BMPER: variants seen among roughly 807,000 people sequenced by gnomAD.
BMPER encodes BMP-binding endothelial regulator protein.
In BMPER, 45 loss-of-function variants were observed where a neutral mutation model predicts 87.3. That is an observed-to-expected ratio of 0.52 (90% confidence interval 0.41 to 0.66). The LOEUF (loss-of-function observed/expected upper bound fraction) is 0.66. Among genes scored for constraint, BMPER ranks in the 30% least tolerant of loss-of-function variants. BMPER has a pLI of 0.00. For missense variants in BMPER, 784 were observed against 867.5 expected, an observed-to-expected ratio of 0.90 and a Z score of 1.21; for synonymous variants, 326 against 316.2, an observed-to-expected ratio of 1.03 and a Z score of -0.33.
Position 34,156,413 on chromosome 7 carries a change from T to A in BMPER, c.*3140T>A, listed in dbSNP as rs1038571347. On this transcript the variant is annotated 3_prime_UTR_variant, in exon 15 of 15. Coordinates refer to ENST00000649409, the MANE Select transcript of BMPER (RefSeq NM_001365308.1). ...TCAATAAATAAAACCTAATAAATGC[T>A]GTCTCATGGTTGCACAGCTGTTTGT... 1.3e-5 allele frequency among the ~76,000 whole-genome samples: 2 copies of A among 152,200 alleles called. No homozygotes were observed. The highest frequency in any genetic ancestry group is 4.8e-5 in the African/African-American group (2 of 41,446).
chr7:34,052,773 A>C (rs1244382790), intron 8 of BMPER, among the ~76,000 whole-genome samples: 1 of 152,206 alleles, frequency 6.6e-6, no homozygotes, highest in Non-Finnish European at 1.5e-5. Context: ...ATTAGAGCTC[A>C]GTAGTTCTTG....
intron 12 of BMPER, among the ~76,000 whole-genome samples, chr7:34,085,332 T>C (rs1789170022): frequency 6.6e-6 from 1 of 152,246 alleles, no homozygotes. Flanking sequence ...AATTTCTGGC[T>C]GTAAATAATT....
At chr7:34,056,710 C>T (rs1359800569) in intron 9 of BMPER, among the ~76,000 whole-genome samples, 3 of 151,804 alleles carry the variant, frequency 2.0e-5, no homozygotes, top group East Asian at 1.9e-4. Flanking sequence ...CTCCACCTCC[C>T]GGGTTCAAGT....
intron 3 of BMPER, among the ~76,000 whole-genome samples, chr7:33,953,406 C>T (rs972440668): frequency 1.3e-5 from 2 of 152,204 alleles, no homozygotes; most frequent in African/African-American, 4.8e-5. Flanking sequence ...CAATTATTGA[C>T]TCTGCCACTT....
chr7:34,049,280 G>A (rs1205016000), intron 7 of BMPER, among the ~76,000 whole-genome samples: 2 of 152,162 alleles, frequency 1.3e-5, no homozygotes, highest in Non-Finnish European at 2.9e-5. Context: ...TATTGAGGAT[G>A]TGTAATGAAT....
In BMPER at chr7:34,091,643, C is replaced by T. The variant is rs115612405; in HGVS notation, c.1745+5551C>T. On this transcript the variant is annotated intron_variant, in intron 13 of 14. Coordinates refer to ENST00000649409, the MANE Select transcript of BMPER (RefSeq NM_001365308.1). ...GAGTTCATGTCATTCTCCTGCCTCC[C>T]TAAGATGCCTTCACTTTCTACATTG... 6.0e-3 allele frequency among the ~76,000 whole-genome samples: 919 copies of T among 152,318 alleles called. 16 individuals carry two copies. The highest frequency in any genetic ancestry group is 0.021 in the African/African-American group (871 of 41,580).
chr7:33,991,292 G>A (rs1786209522), intron 6 of BMPER, among the ~76,000 whole-genome samples: 1 of 151,706 alleles, frequency 6.6e-6, no homozygotes, highest in Non-Finnish European at 1.5e-5. Context: ...CACAATTTTA[G>A]TTCCTGTTAT....
At chr7:33,974,589 AG>A in intron 5 of BMPER, 112 bp from the exon 6 acceptor site, 5 of 1,030,214 alleles carry the variant, frequency 4.9e-6, no homozygotes, top group Non-Finnish European at 7.7e-6. Flanking sequence ...CTGGTTGAAG[AG>A]GACACTCAGC....
At chr7:34,148,842 G>A (rs1791096811) in intron 14 of BMPER, among the ~76,000 whole-genome samples, 1 of 152,196 alleles carries the variant, frequency 6.6e-6, no homozygotes, top group African/African-American at 2.4e-5. Context: ...ATGCTGCTGA[G>A]AAGTTTTTAT....
intron 3 of BMPER, 63 bp downstream of exon 3, chr7:33,937,451 C>T: frequency 6.5e-7 from 1 of 1,529,258 alleles, no homozygotes. Context: ...ATTTCTCTTT[C>T]TCTCACCTTC....
chr7:34,153,012 C>A, intron 14 of BMPER, 80 bp from the exon 15 acceptor site: 1 of 1,525,698 alleles, frequency 6.6e-7, no homozygotes, highest in Non-Finnish European at 9.1e-7. Context: ...TGTCATGAGC[C>A]TGCAAGAACG....
chr7:33,953,711 C>G (rs572021792), intron 3 of BMPER, among the ~76,000 whole-genome samples: 1 of 152,286 alleles, frequency 6.6e-6, no homozygotes, highest in East Asian at 1.9e-4. Flanking sequence ...AGTACATTCA[C>G]ATTGTTGAGC....
chr7:34,027,533 A>G (rs1002746446), intron 6 of BMPER, among the ~76,000 whole-genome samples: 4 of 152,258 alleles, frequency 2.6e-5, no homozygotes, highest in African/African-American at 9.6e-5. Context: ...ATTGAAATTC[A>G]GTGAATATCT....
chr7:34,111,209 C>A (rs1162385109), intron 13 of BMPER, among the ~76,000 whole-genome samples: 1 of 152,166 alleles, frequency 6.6e-6, no homozygotes, highest in Non-Finnish European at 1.5e-5. Context: ...CATAGAATTT[C>A]AAATGGGAAA....
intron 11 of BMPER, among the ~76,000 whole-genome samples, chr7:34,071,267 T>C (rs1308103172): frequency 6.6e-6 from 1 of 152,238 alleles, no homozygotes; most frequent in African/African-American, 2.4e-5. Flanking sequence ...ACATTTATAA[T>C]AAGCAAATGA....
intron 13 of BMPER, among the ~76,000 whole-genome samples, chr7:34,095,889 A>C (rs570573519): frequency 1.3e-5 from 2 of 152,066 alleles, no homozygotes; most frequent in Non-Finnish European, 2.9e-5. Flanking sequence ...AGTAAGTGAC[A>C]GTGGCCATTG....
At chr7:34,046,108 G>A (rs1787957376) in intron 6 of BMPER, among the ~76,000 whole-genome samples, 198 bp from the exon 7 acceptor site, 1 of 152,088 alleles carries the variant, frequency 6.6e-6, no homozygotes, top group African/African-American at 2.4e-5. Flanking sequence ...CTCCTCAAAG[G>A]CAGTCTTTTT....
At chr7:34,128,062 AC>A (rs1790449551) in intron 13 of BMPER, among the ~76,000 whole-genome samples, 1 of 152,208 alleles carries the variant, frequency 6.6e-6, no homozygotes, top group Non-Finnish European at 1.5e-5. Flanking sequence ...AATAAGCAAC[AC>A]TTACCTTTCC....
At chr7:34,089,796 G>C (rs1789330668) in intron 13 of BMPER, among the ~76,000 whole-genome samples, 1 of 151,942 alleles carries the variant, frequency 6.6e-6, no homozygotes, top group Admixed American at 6.6e-5. Flanking sequence ...CAATGTCTAT[G>C]GTTTATAACT....
Sources: gnomAD v4.1 joint callset for allele counts (sites outside exome capture counted in the v4.1 genomes callset) on GRCh38, gnomAD v4.1.1 for gene constraint, MANE v1.5 for transcripts, NCBI Gene and HGNC (gene_info 2026-07-23, HGNC 2026-07-21) for gene names.